Variants in PCDHA13 observed in about 807,000 individuals in gnomAD.
The protein encoded by PCDHA13 is protocadherin alpha-13.
Under a neutral mutation model 64.8 loss-of-function variants are expected in PCDHA13, and 54 were observed. That is an observed-to-expected ratio of 0.83 (90% CI 0.67 to 1.04). The LOEUF (loss-of-function observed/expected upper bound fraction) is 1.04. Ranked by LOEUF, PCDHA13 falls within the 50% of genes least tolerant of loss-of-function variation. The probability of loss-of-function intolerance (pLI) is 0.00; values close to 1 mark genes in which losing one functional copy is unlikely to be tolerated. For missense variants in PCDHA13, 1,248 were observed against 1,254.3 expected (o/e 0.99, Z 0.08); for synonymous variants, 587 against 564.4 (o/e 1.04, Z -0.57).
intron 1 of PCDHA13, among the ~76,000 whole-genome samples, chr5:140,912,641 G>C (rs2076009138): frequency 6.6e-6 from 1 of 152,128 alleles, no homozygotes; most frequent in African/African-American, 2.4e-5. Flanking sequence ...TCAGTACTAT[G>C]TTGAATAGAA....
chr5:140,930,822 G>A (rs1338942917), intron 1 of PCDHA13, among the ~76,000 whole-genome samples: 2 of 152,140 alleles, frequency 1.3e-5, no homozygotes, highest in Non-Finnish European at 2.9e-5. Context: ...CTTAGTAAAT[G>A]CTGACTGAAT....
intron 3 of PCDHA13, among the ~76,000 whole-genome samples, chr5:140,993,229 C>T (rs1396962894): frequency 6.6e-6 from 1 of 152,092 alleles, no homozygotes; most frequent in Non-Finnish European, 1.5e-5. Flanking sequence ...GGTATGTTCT[C>T]TCTGAATCTG....
chr5:140,889,968 T>A (rs1373057542), intron 1 of PCDHA13, among the ~76,000 whole-genome samples: 2 of 152,170 alleles, frequency 1.3e-5, no homozygotes, highest in Non-Finnish European at 2.9e-5. Context: ...AAAATTACTA[T>A]CCAGTCTCCA....
chr5:140,938,065 C>A (rs2091903151), intron 1 of PCDHA13, among the ~76,000 whole-genome samples: 1 of 152,094 alleles, frequency 6.6e-6, no homozygotes, highest in Admixed American at 6.5e-5. Context: ...TACTGTCATG[C>A]TATTCCCAAA....
At chr5:140,993,218 T>C (rs534348907) in intron 3 of PCDHA13, among the ~76,000 whole-genome samples, 1 of 152,330 alleles carries the variant, frequency 6.6e-6, no homozygotes, top group East Asian at 1.9e-4. Flanking sequence ...TTTAGCTTTT[T>C]GGTATGTTCT....
chr5:140,926,404 A>G (rs192980510), intron 1 of PCDHA13: 1 of 152,612 alleles, frequency 6.6e-6, no homozygotes, highest in African/African-American at 2.4e-5. Context: ...GTTATCAGCA[A>G]TCTGCGGGCA....
intron 1 of PCDHA13, among the ~76,000 whole-genome samples, chr5:140,954,779 G>T (rs2095086497): frequency 6.6e-6 from 1 of 152,108 alleles, no homozygotes; most frequent in Non-Finnish European, 1.5e-5. Flanking sequence ...AATTTAATTA[G>T]ATCTCATTTG....
Position 140,883,198 on chromosome 5 carries a change from C to G in PCDHA13, c.930C>G (p.Phe310Leu), listed in dbSNP as rs145698462. 1.9e-6 allele frequency: 3 copies of G among 1,613,572 alleles called. No individual in the cohort carries two copies. Among genetic ancestry groups the G allele is most frequent in the Admixed American group, 1.7e-5 (1 of 59,932 alleles). The change falls in exon 1 of 4, where the codon TTC (phenylalanine) becomes TTG (leucine). Residue 310 changes from phenylalanine to leucine, a missense_variant. Transcript: ENST00000289272. ...TTAGGACAAAAGGCAAACTAGATTT[C>G]GAAGAAAAGAAATTATATGAAATAT... ...GEIRTKGKLD[F>L]EEKKLYEISV...
chr5:140,988,308 G>T (rs75602297), intron 3 of PCDHA13, among the ~76,000 whole-genome samples: 1,856 of 152,298 alleles, frequency 0.012, 44 homozygotes, highest in African/African-American at 0.043. Context: ...TGCCAGCTTG[G>T]CTTGGCTTTC....
Position 140,927,344 on chromosome 5 carries a change from A to G in PCDHA13, c.2394+42682A>G, listed in dbSNP as rs144568777. 1.0e-4 allele frequency: 168 copies of G among 1,613,994 alleles called. No homozygotes were observed. Among genetic ancestry groups the G allele is most frequent in the Middle Eastern group, 8.2e-4 (5 of 6,062 alleles). On this transcript the variant is annotated intron_variant, in intron 1 of 3. Transcript: ENST00000289272. ...TTTACTCTCCCGAATGCCCAAGATGACGACGAGGGAAGCAATGGGATACTA... is the reference window on the plus strand; with the variant it reads ...TTTACTCTCCCGAATGCCCAAGATGGCGACGAGGGAAGCAATGGGATACTA...
rs1554174004 is a variant in PCDHA13, at chr5:140,882,408, G to C, written c.140G>C (p.Arg47Pro). The change falls in exon 1 of 4, where the codon CGC becomes CCC. Residue 47 changes from arginine to proline, a missense_variant. Physicochemically the swap from Arg to Pro is moderately radical, Grantham distance 103. Coordinates refer to ENST00000289272, the MANE Select transcript of PCDHA13 (RefSeq NM_018904.3). ...EEAKHGTFVGRIAQDLGLELA... is the reference protein window; with the variant it reads ...EEAKHGTFVGPIAQDLGLELA... Reference sequence around the variant, plus strand: ...GCAAAACACGGCACCTTCGTGGGCCGCATCGCTCAGGACCTGGGGCTGGAG... The same window carrying C: ...GCAAAACACGGCACCTTCGTGGGCCCCATCGCTCAGGACCTGGGGCTGGAG... The C allele has an allele frequency of 3.1e-6, 5 of 1,614,138 alleles. No homozygotes were observed. The highest frequency in any genetic ancestry group is 3.3e-5 in the Admixed American group (2 of 60,036).
At chr5:140,898,371 G>A (rs13156913) in intron 1 of PCDHA13, among the ~76,000 whole-genome samples, 3 of 152,142 alleles carry the variant, frequency 2.0e-5, no homozygotes, top group African/African-American at 7.2e-5. Flanking sequence ...TTTGTATAAG[G>A]TGTAAGGAAG....
At chr5:140,913,789 T>C (rs2076466373) in intron 1 of PCDHA13, among the ~76,000 whole-genome samples, 1 of 152,176 alleles carries the variant, frequency 6.6e-6, no homozygotes, top group African/African-American at 2.4e-5. Context: ...CCATTATCAT[T>C]TGTTTGAATC....
intron 1 of PCDHA13, among the ~76,000 whole-genome samples, chr5:140,885,040 T>C (rs2060438917): frequency 6.6e-6 from 1 of 152,226 alleles, no homozygotes; most frequent in African/African-American, 2.4e-5. Context: ...AATTTTTAGT[T>C]TAATGTATAC....
intron 3 of PCDHA13, among the ~76,000 whole-genome samples, chr5:141,003,770 T>A (rs1365152633): frequency 6.6e-6 from 1 of 152,246 alleles, no homozygotes; most frequent in East Asian, 1.9e-4. Flanking sequence ...TCGTATTCTG[T>A]TAAATAAACT....
At chr5:140,999,554 G>T (rs2097862771) in intron 3 of PCDHA13, among the ~76,000 whole-genome samples, 1 of 152,158 alleles carries the variant, frequency 6.6e-6, no homozygotes, top group Non-Finnish European at 1.5e-5. Context: ...TGAAGAGGGG[G>T]TATTTTGAGA....
chr5:140,888,572 A>G (rs1354616132), intron 1 of PCDHA13, among the ~76,000 whole-genome samples: 1 of 152,196 alleles, frequency 6.6e-6, no homozygotes, highest in Admixed American at 6.5e-5. Context: ...GCTTCATTTT[A>G]AGATTTGTTA....
intron 3 of PCDHA13, among the ~76,000 whole-genome samples, chr5:141,005,117 C>A (rs2098198148): frequency 6.6e-6 from 1 of 152,214 alleles, no homozygotes; most frequent in South Asian, 2.1e-4. Flanking sequence ...TCTTTAGGGA[C>A]CCCAAAAGTG....
chr5:140,991,838 G>T (rs1056330823), intron 3 of PCDHA13, among the ~76,000 whole-genome samples: 1 of 152,110 alleles, frequency 6.6e-6, no homozygotes, highest in Non-Finnish European at 1.5e-5. Context: ...CGGCAGAACC[G>T]CACTTCCAGA....
Sources: gnomAD v4.1 joint callset for allele counts (sites outside exome capture counted in the v4.1 genomes callset) on GRCh38, gnomAD v4.1.1 for gene constraint, MANE v1.5 for transcripts, NCBI Gene and HGNC (gene_info 2026-07-23, HGNC 2026-07-21) for gene names.